Variants in PPT1 observed in about 807,000 individuals in gnomAD.
The protein encoded by PPT1 is palmitoyl-protein thioesterase 1.
A neutral mutation model predicts 44.0 loss-of-function variants in PPT1; 24 were observed. The observed-to-expected ratio is 0.54, with a 90% CI of 0.39 to 0.77. PPT1 has a LOEUF of 0.77. Ranked by LOEUF, PPT1 falls within the 30% of genes least tolerant of loss-of-function variation. The probability of loss-of-function intolerance (pLI) is 0.00; values close to 1 mark genes in which losing one functional copy is unlikely to be tolerated. For missense variants in PPT1, 341 were observed against 378.8 expected (o/e 0.90, Z 0.83); for synonymous variants, 148 against 140.2 (o/e 1.06, Z -0.39).
chr1:40,094,002 G>C (rs759820442), intron 1 of PPT1: 1 of 715,360 alleles, frequency 1.4e-6, no homozygotes, highest in South Asian at 1.5e-5. Context: ...AGACCAGTTT[G>C]GGCAACATAA....
chr1:40,094,012 A>T (rs1355095067), intron 1 of PPT1: 4 of 705,684 alleles, frequency 5.7e-6, no homozygotes, highest in Non-Finnish European at 1.0e-5. Context: ...GGGCAACATA[A>T]CGAGACCCTG....
chr1:40,075,157 A>T (rs921862421), intron 8 of PPT1: 1 of 152,384 alleles, frequency 6.6e-6, no homozygotes. Flanking sequence ...TGGGAGGCTG[A>T]GACAGGAGAA....
At chr1:40,092,563 T>A in intron 1 of PPT1, 56 bp from the exon 2 acceptor site, 1 of 1,393,948 alleles carries the variant, frequency 7.2e-7, no homozygotes, top group Non-Finnish European at 1.0e-6. Flanking sequence ...GTTTATTGTT[T>A]AAAAACTCTG....
In PPT1 at chr1:40,092,141, T is replaced by C. The variant is rs1649599440; in HGVS notation, c.266A>G (p.Asn89Ser). ...DVENSFFLNVNSQVTTVCQAL... is the reference protein window; with the variant it reads ...DVENSFFLNVSSQVTTVCQAL... ...CTGACACACTGTTGTTACTTGGGAA[T>C]TGACATTCAAGAAGAAGCTGTTCTC... Residue 89 changes from asparagine (N) to serine (S), a missense_variant, in exon 3 of 9, where the codon AAT becomes AGT. Asn to Ser is a conservative substitution (Grantham distance 46). Coordinates refer to ENST00000642050, the MANE Select transcript of PPT1 (RefSeq NM_000310.4). 1 of 1,614,144 alleles carries C rather than the reference T, an allele frequency of 6.2e-7. No homozygotes were observed. Among genetic ancestry groups the C allele is most frequent in the African/African-American group, 1.3e-5 (1 of 75,050 alleles).
chr1:40,075,047 G>A (rs1292719809), intron 8 of PPT1: 1 of 152,152 alleles, frequency 6.6e-6, no homozygotes, highest in Non-Finnish European at 1.5e-5. Flanking sequence ...CTGTGGTCAG[G>A]AGTTCAAGAC....
At chr1:40,090,904 C>T (rs1473336212) in intron 4 of PPT1, among the ~76,000 whole-genome samples, 1 of 152,186 alleles carries the variant, frequency 6.6e-6, no homozygotes, top group East Asian at 1.9e-4. Flanking sequence ...TATGGAATTC[C>T]GTCAAAATAG....
chr1:40,089,201 G>A (rs556512474), intron 5 of PPT1, among the ~76,000 whole-genome samples: 5 of 146,552 alleles, frequency 3.4e-5, no homozygotes, highest in South Asian at 2.2e-4. Flanking sequence ...CAGGAGACTC[G>A]CTTGAACCTG....
downstream of PPT1, chr1:40,072,375 T>C (rs1038333722): frequency 6.2e-5 from 18 of 292,380 alleles, no homozygotes; most frequent in Non-Finnish European, 9.4e-5. Context: ...CTCATCAGCT[T>C]ATGGCTTCTG....
chr1:40,088,940 C>A (rs1649404552), intron 5 of PPT1, among the ~76,000 whole-genome samples: 1 of 152,032 alleles, frequency 6.6e-6, no homozygotes, highest in Non-Finnish European at 1.5e-5. Context: ...AGTTAATAGA[C>A]TTTTTGGAGC....
intron 5 of PPT1, among the ~76,000 whole-genome samples, chr1:40,085,576 A>C (rs1177507489): frequency 6.6e-6 from 1 of 151,798 alleles, no homozygotes; most frequent in Non-Finnish European, 1.5e-5. Flanking sequence ...CTACATCCCA[A>C]CCTTCAGCAA....
chr1:40,075,958 CAAAAAAAAAAAAAAAAAAA>C (rs56338772), intron 8 of PPT1, among the ~76,000 whole-genome samples: 2 of 41,832 alleles, frequency 4.8e-5, no homozygotes, highest in Admixed American at 4.4e-4. Context: ...AAGACTGTCT[CAAAAAAAAAAAAAAAAAAA>C]AAAAAAAAAA....
chr1:40,077,935 A>C (rs914933803), intron 7 of PPT1, among the ~76,000 whole-genome samples: 11 of 152,210 alleles, frequency 7.2e-5, no homozygotes, highest in African/African-American at 2.7e-4. Context: ...GGCCAAGCTT[A>C]GGAATTTATA....
At chr1:40,075,908 CTGAGA>C (rs1333592833) in intron 8 of PPT1, among the ~76,000 whole-genome samples, 1 of 121,172 alleles carries the variant, frequency 8.3e-6, no homozygotes, top group African/African-American at 3.2e-5. Context: ...CTGCAGTGAG[CTGAGA>C]TCACACCATT....
intron 6 of PPT1, 138 bp downstream of exon 6, chr1:40,080,259 C>A (rs1648850612): frequency 1.1e-6 from 1 of 895,246 alleles, no homozygotes; most frequent in South Asian, 1.3e-5. Flanking sequence ...AAAGGCCCTG[C>A]CTCCCAAAAA....
chr1:40,072,096 A>G (rs899309699), downstream of PPT1: 4 of 401,592 alleles, frequency 1.0e-5, no homozygotes, highest in African/African-American at 8.2e-5. Context: ...TTTATTCTCT[A>G]TTCTATCCTG....
chr1:40,074,101 T>C lies in PPT1; in HGVS notation c.881A>G (p.Glu294Gly). ...TATGATGTGGGCATAAAACCATTCTTCAGACAACTGAAGATGGTCCCCTTC... is the reference window on the plus strand; with the variant it reads ...TATGATGTGGGCATAAAACCATTCTCCAGACAACTGAAGATGGTCCCCTTC... ...ATEGDHLQLS[E>G]EWFYAHIIPF... The change falls in exon 9 of 9, where the codon GAA becomes GGA. Residue 294 changes from glutamate to glycine, a missense_variant. Physicochemically the swap from Glu to Gly is moderately conservative, Grantham distance 98. Transcript: ENST00000642050. 1 of 1,614,208 alleles carries C rather than the reference T, an allele frequency of 6.2e-7. No individual in the cohort carries two copies. Among genetic ancestry groups the C allele is most frequent in the South Asian group, 1.1e-5 (1 of 91,090 alleles).
intron 5 of PPT1, among the ~76,000 whole-genome samples, chr1:40,084,627 C>A (rs1215254597): frequency 6.6e-6 from 1 of 152,180 alleles, no homozygotes; most frequent in East Asian, 1.9e-4. Flanking sequence ...ATGAGCTGTT[C>A]CGGTATAATA....
chr1:40,077,238 G>C (rs1648676154), intron 7 of PPT1, among the ~76,000 whole-genome samples: 1 of 152,204 alleles, frequency 6.6e-6, no homozygotes, highest in Admixed American at 6.5e-5. Context: ...AAAGCTCCCA[G>C]TCTTGCAAGG....
chr1:40,080,392 C>T lies in PPT1; in HGVS notation c.627+5G>A, dbSNP rs954083849. 1.2e-6 allele frequency: 2 copies of T among 1,613,514 alleles called. No individual in the cohort carries two copies. Among genetic ancestry groups the T allele is most frequent in the Non-Finnish European group, 1.7e-6 (2 of 1,179,526 alleles). The stretch of plus-strand genomic sequence containing the variant: ...CATCTATGGGAGCCCGGTTTGGGTG[C>T]TTACCCGCTCCTGATTTATATCTGC... On this transcript the variant is annotated splice_donor_5th_base_variant and intron_variant, in intron 6 of 8. Transcript: ENST00000642050.
Sources: allele counts gnomAD v4.1 joint callset (sites outside exome capture counted in the v4.1 genomes callset), GRCh38; gene constraint gnomAD v4.1.1; transcripts MANE v1.5; gene names NCBI Gene and HGNC (gene_info 2026-07-23, HGNC 2026-07-21).